NIPSNAP2: variants seen among roughly 807,000 people sequenced by gnomAD.
The protein encoded by NIPSNAP2 is protein NipSnap homolog 2.
A neutral mutation model predicts 48.4 loss-of-function variants in NIPSNAP2; 42 were observed. That is an observed-to-expected ratio of 0.87 (90% CI 0.68 to 1.12). The LOEUF (loss-of-function observed/expected upper bound fraction) is 1.12, where lower values mean the gene tolerates loss of function less well. Ranked by LOEUF, NIPSNAP2 falls within the 50% of genes most tolerant of loss-of-function variation. The pLI is 0.00. For missense variants in NIPSNAP2, 314 were observed against 347.3 expected (o/e 0.90, Z 0.76); for synonymous variants, 158 against 126.6 (o/e 1.25, Z -1.67).
intron 7 of NIPSNAP2, among the ~76,000 whole-genome samples, chr7:55,988,586 G>A (rs1787378593): frequency 6.6e-6 from 1 of 152,124 alleles, no homozygotes. Flanking sequence ...TGGGCTGGAC[G>A]CAGTGGTTCA....
At position 55,983,816 on chromosome 7, in the gene NIPSNAP2, C is replaced by A. The variant is rs1787270709; in HGVS notation, c.533C>A (p.Pro178His). Residue 178 changes from proline to histidine, a missense_variant, in exon 6 of 10, where the codon CCT becomes CAT. Transcript: ENST00000322090. Reference protein sequence around the residue: ...LLLEFSFWNEPVPRSGPNIYE... With the variant: ...LLLEFSFWNEHVPRSGPNIYE... ...TTGGAGTTCAGTTTCTGGAATGAGCCTGTGCCAAGATCCGGACCTAATATA... is the reference window on the plus strand; with the variant it reads ...TTGGAGTTCAGTTTCTGGAATGAGCATGTGCCAAGATCCGGACCTAATATA... The A allele has an allele frequency of 6.2e-7, 1 of 1,613,988 alleles. No individual in the cohort carries two copies. The highest frequency in any genetic ancestry group is 1.3e-5 in the African/African-American group (1 of 75,014).
chr7:55,992,127 G>A (rs1378152032), intron 7 of NIPSNAP2, among the ~76,000 whole-genome samples: 1 of 151,878 alleles, frequency 6.6e-6, no homozygotes, highest in Non-Finnish European at 1.5e-5. Flanking sequence ...TAATCCATGG[G>A]GGCAATAGCA....
intron 1 of NIPSNAP2, 64 bp from the exon 2 acceptor site, chr7:55,978,062 C>T: frequency 6.4e-7 from 1 of 1,573,202 alleles, no homozygotes; most frequent in Non-Finnish European, 8.7e-7. Flanking sequence ...ACTGTGTTTG[C>T]CAGATTAACT....
chr7:55,983,615 C>T (rs1004899067), intron 5 of NIPSNAP2, 113 bp from the exon 6 acceptor site: 1 of 1,038,650 alleles, frequency 9.6e-7, no homozygotes, highest in Non-Finnish European at 1.4e-6. Flanking sequence ...CTCAGGCCAA[C>T]TGGGACCTGT....
chr7:55,995,550 G>A (rs868354969), intron 8 of NIPSNAP2, among the ~76,000 whole-genome samples: 7 of 152,182 alleles, frequency 4.6e-5, no homozygotes, highest in Non-Finnish European at 2.9e-5. Context: ...AGAGCCTTGT[G>A]TGGTGCTGGT....
intron 7 of NIPSNAP2, among the ~76,000 whole-genome samples, chr7:55,989,683 G>T (rs563490998): frequency 6.6e-6 from 1 of 152,230 alleles, no homozygotes; most frequent in South Asian, 2.1e-4. Context: ...TTGGTTAGCT[G>T]AAGTCAGTGC....
intron 1 of NIPSNAP2, among the ~76,000 whole-genome samples, chr7:55,976,544 T>C (rs1289192646): frequency 6.6e-6 from 1 of 152,146 alleles, no homozygotes; most frequent in Admixed American, 6.6e-5. Context: ...GTCAACAAAT[T>C]TGTATTCCTA....
At position 55,998,383 on chromosome 7, in the gene NIPSNAP2, A is replaced by AT. The variant is rs1312294479; in HGVS notation, c.797-623dup. The stretch of plus-strand genomic sequence containing the variant: ...TATAATTACATGTTATAATTATATA[A>AT]TTGTATTTGATTTTGCTGCTTACGC... On this transcript the variant is annotated intron_variant, in intron 9 of 9. Coordinates refer to ENST00000322090, the MANE Select transcript of NIPSNAP2 (RefSeq NM_001483.3). 2.6e-5 allele frequency among the ~76,000 whole-genome samples: 4 copies of AT among 151,564 alleles called. No individual in the cohort carries two copies. In the East Asian group the frequency reaches 7.7e-4, roughly 29 times the overall value.
rs1787294913 is a variant in NIPSNAP2, at chr7:55,984,839, G to C, written c.586-8G>C. The stretch of plus-strand genomic sequence containing the variant: ...GAACTAACAAACCAAATCTAAATCT[G>C]TTTTCAGCCAGGAACCATGATTGAA... On this transcript the variant is annotated splice_polypyrimidine_tract_variant and splice_region_variant and intron_variant, in intron 6 of 9. Transcript: ENST00000322090. The C allele has an allele frequency of 3.1e-6, 5 of 1,603,286 alleles. No individual in the cohort carries two copies. The highest frequency in any genetic ancestry group is 4.3e-6 in the Non-Finnish European group (5 of 1,175,462).
intron 1 of NIPSNAP2, among the ~76,000 whole-genome samples, chr7:55,972,791 C>T (rs753525757): frequency 6.6e-5 from 10 of 152,038 alleles, no homozygotes; most frequent in African/African-American, 9.7e-5. Flanking sequence ...AACTAATTGA[C>T]AAAATGTGCT....
intron 7 of NIPSNAP2, among the ~76,000 whole-genome samples, chr7:55,986,239 A>G (rs1787328101): frequency 6.6e-6 from 1 of 151,966 alleles, no homozygotes; most frequent in South Asian, 2.1e-4. Context: ...ATGGTGGCAC[A>G]CACTTGTAGT....
chr7:55,997,577 G>A (rs1458232230), intron 9 of NIPSNAP2, 128 bp downstream of exon 9: 3 of 656,990 alleles, frequency 4.6e-6, no homozygotes, highest in East Asian at 2.9e-5. Flanking sequence ...AGGTTGTGGG[G>A]GGAAGGGAGA....
At chr7:55,997,594 AT>A in intron 9 of NIPSNAP2, 145 bp downstream of exon 9, 1 of 587,518 alleles carries the variant, frequency 1.7e-6, no homozygotes. Context: ...GAGATAGTCA[AT>A]TTTTCTCTAA....
chr7:55,971,814 G>A (rs1339969699), intron 1 of NIPSNAP2, among the ~76,000 whole-genome samples: 2 of 152,026 alleles, frequency 1.3e-5, no homozygotes, highest in African/African-American at 4.8e-5. Flanking sequence ...TTTCTGGAAG[G>A]ATATACATAA....
chr7:55,994,256 G>T (rs1041241177), intron 7 of NIPSNAP2, among the ~76,000 whole-genome samples: 4 of 152,096 alleles, frequency 2.6e-5, no homozygotes, highest in African/African-American at 9.7e-5. Flanking sequence ...TTAAATTGAC[G>T]GGTCCCATCC....
At chr7:55,974,969 A>G (rs1787080671) in intron 1 of NIPSNAP2, among the ~76,000 whole-genome samples, 1 of 152,070 alleles carries the variant, frequency 6.6e-6, no homozygotes, top group Non-Finnish European at 1.5e-5. Flanking sequence ...CAGAAGCACT[A>G]AGATTCTGGA....
intron 1 of NIPSNAP2, among the ~76,000 whole-genome samples, chr7:55,973,846 T>A (rs1280585328): frequency 1.3e-5 from 2 of 152,174 alleles, no homozygotes; most frequent in Non-Finnish European, 2.9e-5. Flanking sequence ...TTCTACCTAT[T>A]TGAGACAATA....
At chr7:55,988,948 T>TTA (rs552638484) in intron 7 of NIPSNAP2, among the ~76,000 whole-genome samples, 174 of 152,206 alleles carry the variant, frequency 1.1e-3, no homozygotes, top group African/African-American at 3.5e-3. Flanking sequence ...ATATAAACAC[T>TTA]TATATATATG....
chr7:55,996,703 A>G lies in NIPSNAP2; in HGVS notation c.713-663A>G, dbSNP rs377436924. ...AGAATTTCACTTGGTTTATAAAGGT[A>G]TATCTTAGATTCACTAGATTGTAAA... On this transcript the variant is annotated intron_variant, in intron 8 of 9. Coordinates refer to ENST00000322090, the MANE Select transcript of NIPSNAP2 (RefSeq NM_001483.3). Among the ~76,000 whole-genome samples, 4 of 152,178 alleles carry G rather than the reference A, an allele frequency of 2.6e-5. No homozygotes were observed. The South Asian group carries it at 8.3e-4, about 31-fold the overall frequency.
Sources: gnomAD v4.1 joint callset for allele counts (sites outside exome capture counted in the v4.1 genomes callset) on GRCh38, gnomAD v4.1.1 for gene constraint, MANE v1.5 for transcripts, NCBI Gene and HGNC (gene_info 2026-07-23, HGNC 2026-07-21) for gene names.